The following C4orf51 variants were observed in gnomAD, a reference collection of about 807,000 sequenced individuals.
The protein encoded by C4orf51 is uncharacterized protein C4orf51.
Under a neutral mutation model 25.2 loss-of-function variants are expected in C4orf51, and 25 were observed. That is an observed-to-expected ratio of 0.99 (90% CI 0.72 to 1.39). The LOEUF is 1.39. C4orf51 is among the 40% of genes most tolerant of loss of function. The pLI is 0.00. For missense variants in C4orf51, 252 were observed against 239.6 expected, an observed-to-expected ratio of 1.05 and a Z score of -0.34; for synonymous variants, 100 against 84.5, an observed-to-expected ratio of 1.18 and a Z score of -1.01.
chr4:145,784,856 T>C, the C4orf51 span, among the ~76,000 whole-genome samples: 1 of 152,350 alleles, frequency 6.6e-6, no homozygotes, highest in South Asian at 2.1e-4. Flanking sequence ...GTAACCTCTT[T>C]TTTTGTACAG....
At chr4:145,708,006 G>A (rs1730919485) in intron 2 of C4orf51, among the ~76,000 whole-genome samples, 2 of 152,194 alleles carry the variant, frequency 1.3e-5, no homozygotes, top group South Asian at 2.1e-4. Context: ...CCGACTTTCT[G>A]GCAGAAGGGG....
intron 5 of C4orf51, among the ~76,000 whole-genome samples, chr4:145,731,033 G>C (rs78646325): frequency 6.6e-6 from 1 of 152,168 alleles, no homozygotes; most frequent in Non-Finnish European, 1.5e-5. Flanking sequence ...TTGTTTGGGG[G>C]CATTTGTAGC....
intron 1 of C4orf51, among the ~76,000 whole-genome samples, chr4:145,695,336 A>G (rs1362063331): frequency 1.3e-5 from 2 of 152,204 alleles, no homozygotes; most frequent in South Asian, 2.1e-4. Context: ...TCTAATGATC[A>G]GTGATAATGA....
chr4:145,686,851 C>T lies in C4orf51; in HGVS notation c.233+6415C>T, dbSNP rs900604568. On this transcript the variant is annotated intron_variant, in intron 1 of 5. Coordinates refer to ENST00000438731, the MANE Select transcript of C4orf51 (RefSeq NM_001080531.3). ...ATTAATGTATGTTTAATAAGTGCTC[C>T]AGATGGATCTTATATGATCAGAAAA... Among the ~76,000 whole-genome samples the T allele has an allele frequency of 1.5e-4, 23 of 152,240 alleles. No homozygotes were observed. The East Asian group carries it at 3.5e-3, about 23-fold the overall frequency.
chr4:145,711,130 C>A (rs947068936), intron 2 of C4orf51, among the ~76,000 whole-genome samples: 1 of 152,040 alleles, frequency 6.6e-6, no homozygotes, highest in African/African-American at 2.4e-5. Flanking sequence ...TTATAACCTA[C>A]ATGGCTAATA....
chr4:145,715,618 A>G (rs1294238460), intron 2 of C4orf51, among the ~76,000 whole-genome samples: 1 of 152,132 alleles, frequency 6.6e-6, no homozygotes, highest in Non-Finnish European at 1.5e-5. Flanking sequence ...CCAGGCTCCC[A>G]CTATAGTACT....
intron 1 of C4orf51, among the ~76,000 whole-genome samples, chr4:145,770,364 T>C (rs1736085940): frequency 6.6e-6 from 1 of 151,454 alleles, no homozygotes; most frequent in African/African-American, 2.4e-5. Context: ...GATCAGAACA[T>C]GTGAGTTTGA....
At chr4:145,734,499 A>C (rs1392796144), downstream of C4orf51, among the ~76,000 whole-genome samples, 1 of 152,120 alleles carries the variant, frequency 6.6e-6, no homozygotes, top group Non-Finnish European at 1.5e-5. Flanking sequence ...CATTAGTGGC[A>C]CATCCTGAAT....
chr4:145,774,634 T>G, downstream of C4orf51: 8 of 1,613,860 alleles, frequency 5.0e-6, no homozygotes, highest in Non-Finnish European at 6.8e-6. Flanking sequence ...GCTGACAAAC[T>G]GGACATTGAG....
chr4:145,706,008 A>G (rs6820727), intron 2 of C4orf51, among the ~76,000 whole-genome samples: 95,775 of 151,986 alleles, frequency 0.63, 31,653 homozygotes, highest in African/African-American at 0.84. Context: ...CATCCGTCTT[A>G]TTTCTTCTGA....
chr4:145,755,170 T>G (rs1354197654), downstream of C4orf51, among the ~76,000 whole-genome samples: 1 of 152,204 alleles, frequency 6.6e-6, no homozygotes, highest in Non-Finnish European at 1.5e-5. Flanking sequence ...ATATGTTATA[T>G]TAGAGTGGGA....
At chr4:145,697,362 T>C (rs1195870587) in intron 2 of C4orf51, among the ~76,000 whole-genome samples, 1 of 151,888 alleles carries the variant, frequency 6.6e-6, no homozygotes, top group African/African-American at 2.4e-5. Context: ...CCTCCCGGAG[T>C]TCTGGGATTA....
chr4:145,765,793 A>C lies in C4orf51; in HGVS notation n.167-5195A>C. The C allele has an allele frequency of 6.4e-7, 1 of 1,555,348 alleles. No individual in the cohort carries two copies. The highest frequency in any genetic ancestry group is 1.8e-5 in the Admixed American group (1 of 56,678). ...TAATGAGATGAAAATCCTCAGAATT[A>C]TAGCAACTGAGGGTGACGAGTTGAG... On this transcript the variant is annotated intron_variant and non_coding_transcript_variant, in intron 1 of 1. Coordinates refer to the C4orf51 transcript ENST00000510096. The surrounding 1 kb of genome is among the most constrained non-coding windows in gnomAD (Gnocchi z 4.7).
intron 2 of C4orf51, among the ~76,000 whole-genome samples, chr4:145,702,344 T>C (rs970154534): frequency 6.6e-6 from 1 of 151,926 alleles, no homozygotes; most frequent in African/African-American, 2.4e-5. Flanking sequence ...ATCTCAAACA[T>C]GCTTTCTTTA....
chr4:145,790,175 A>G, the C4orf51 span, among the ~76,000 whole-genome samples: 2 of 152,236 alleles, frequency 1.3e-5, no homozygotes, highest in Non-Finnish European at 2.9e-5. Context: ...TTCAAAAGTT[A>G]TCTTCTATAA....
At chr4:145,753,266 A>T (rs1382477187) in intron 1 of C4orf51, among the ~76,000 whole-genome samples, 2 of 151,538 alleles carry the variant, frequency 1.3e-5, no homozygotes, top group Non-Finnish European at 2.9e-5. Flanking sequence ...ACCCTTGAAA[A>T]ATATTGTCTT....
At chr4:145,781,618 A>G in the C4orf51 span, among the ~76,000 whole-genome samples, 1 of 152,212 alleles carries the variant, frequency 6.6e-6, no homozygotes, top group African/African-American at 2.4e-5. Flanking sequence ...AAAGGGGAAG[A>G]GGGCAGAAAT....
chr4:145,722,224 C>T (rs11100898), intron 2 of C4orf51, among the ~76,000 whole-genome samples: 96,551 of 152,106 alleles, frequency 0.63, 32,836 homozygotes, highest in African/African-American at 0.88. Context: ...CCTAGATTCA[C>T]CAATTGTTAA....
chr4:145,763,054 G>A lies in C4orf51; in HGVS notation n.167-7934G>A. On this transcript the variant is annotated intron_variant and non_coding_transcript_variant, in intron 1 of 1. Transcript: ENST00000510096. This position sits in a 1 kb window ranked among gnomAD's most constrained non-coding sequence, Gnocchi z 4.6. ...AATATAAAGCCCATTCCCAGGTCAG[G>A]TGCACACACAACCCCTACGCCAAGC... is the stretch of plus-strand genomic sequence containing the variant. The A allele has an allele frequency of 6.5e-7, 1 of 1,529,122 alleles. No individual in the cohort carries two copies. Among genetic ancestry groups the A allele is most frequent in the Non-Finnish European group, 8.8e-7 (1 of 1,141,276 alleles). The allele number at this position is 1,529,122 out of a possible 1,614,324, so 94.7% of individuals were successfully genotyped here.
Sources: gnomAD v4.1 joint callset for allele counts (sites outside exome capture counted in the v4.1 genomes callset) on GRCh38, gnomAD v4.1.1 for gene constraint, Gnocchi (gnomAD v3.1) non-coding constraint, MANE v1.5 for transcripts, NCBI Gene and HGNC (gene_info 2026-07-23, HGNC 2026-07-21) for gene names.